GLUL: variants seen among roughly 807,000 people sequenced by gnomAD.
The protein encoded by GLUL is glutamate-ammonia ligase, also known as glutamine synthetase.
A neutral mutation model predicts 36.9 loss-of-function variants in GLUL; 8 were observed. The observed-to-expected ratio is 0.22, with a 90% CI of 0.13 to 0.39. The LOEUF (loss-of-function observed/expected upper bound fraction) is 0.39, where lower values mean the gene tolerates loss of function less well. Ranked by LOEUF, GLUL falls within the 10% of genes least tolerant of loss-of-function variation. The pLI is 1.00. For synonymous variants in GLUL, 182 were observed against 172.8 expected, an observed-to-expected ratio of 1.05 and a Z score of -0.42; for missense variants, 315 against 501.8, an observed-to-expected ratio of 0.63 and a Z score of 3.56.
In GLUL at chr1:182,379,092, T is replaced by C. The variant is rs2101924487; in HGVS notation, c.*5313A>G. On this transcript the variant is annotated 3_prime_UTR_variant, in exon 7 of 7. Coordinates refer to ENST00000331872, the MANE Select transcript of GLUL (RefSeq NM_001033044.4). ...CCACCATGCCCGGCCTGAAGTAGAATTTTTTTAAATGAACGGTCGGAGATC... is the reference window on the plus strand; with the variant it reads ...CCACCATGCCCGGCCTGAAGTAGAACTTTTTTAAATGAACGGTCGGAGATC... Among the ~76,000 whole-genome samples, 1 of 151,628 alleles carries C rather than the reference T, an allele frequency of 6.6e-6. No homozygotes were observed. The highest frequency in any genetic ancestry group is 2.0e-4 in the East Asian group (1 of 5,082).
At chr1:182,391,069 C>G (rs1027876188) in intron 1 of GLUL, 2 of 398,186 alleles carry the variant, frequency 5.0e-6, no homozygotes, top group Non-Finnish European at 8.9e-6. Flanking sequence ...CCGCCCGGAC[C>G]GGCTTCTCCA....
intron 1 of GLUL, chr1:182,391,361 C>T (rs1003210923): frequency 3.8e-5 from 15 of 397,900 alleles, no homozygotes; most frequent in African/African-American, 2.3e-4. Flanking sequence ...AGGGCGCAGG[C>T]CGGCCCAACG....
chr1:182,386,437 T>G, intron 3 of GLUL, 35 bp from the exon 4 acceptor site: 2 of 1,494,970 alleles, frequency 1.3e-6, no homozygotes, highest in Non-Finnish European at 1.9e-6. Flanking sequence ...CCATCAGGGA[T>G]CTAAAGACAT....
intron 6 of GLUL, 183 bp from the exon 7 acceptor site, chr1:182,384,906 T>C: frequency 3.1e-6 from 2 of 635,494 alleles, no homozygotes; most frequent in South Asian, 3.6e-5. Context: ...TACTGTTTGT[T>C]GAAAAGACTA....
At chr1:182,387,079 T>G in intron 3 of GLUL, 52 bp downstream of exon 3, 1 of 1,388,392 alleles carries the variant, frequency 7.2e-7, no homozygotes, top group South Asian at 1.2e-5. Context: ...TCCCTCCCCT[T>G]CACAGCATTC....
intron 1 of GLUL, chr1:182,391,010 G>A (rs954052194): frequency 2.5e-6 from 1 of 396,864 alleles, no homozygotes; most frequent in South Asian, 1.4e-4. Context: ...TGGGGGGTCC[G>A]GGGGAGGGTG....
rs2101925210 is a variant in GLUL at position 182,379,857 on chromosome 1, T to A, written c.*4548A>T. 6.7e-6 allele frequency among the ~76,000 whole-genome samples: 1 copy of A among 150,280 alleles called. No homozygotes were observed. Among genetic ancestry groups the A allele is most frequent in the Admixed American group, 6.7e-5 (1 of 14,998 alleles). The stretch of plus-strand genomic sequence containing the variant: ...AGCCTCAGTTACAACTTTTTTTTTT[T>A]TTTTGAGATGGAGTTTCCCTCTTGT... On this transcript the variant is annotated 3_prime_UTR_variant, in exon 7 of 7. Coordinates refer to ENST00000331872, the MANE Select transcript of GLUL (RefSeq NM_001033044.4).
At chr1:182,385,332 G>C in intron 6 of GLUL, 25 bp downstream of exon 6, 5 of 1,563,636 alleles carry the variant, frequency 3.2e-6, no homozygotes, top group Non-Finnish European at 3.5e-6. Flanking sequence ...GGAGATTAAA[G>C]ATGGCCCCAG....
At chr1:182,387,465 T>G (rs1254594555) in intron 2 of GLUL, among the ~76,000 whole-genome samples, 173 bp from the exon 3 acceptor site, 2 of 152,194 alleles carry the variant, frequency 1.3e-5, no homozygotes, top group African/African-American at 4.8e-5. Flanking sequence ...TACCTGATCT[T>G]ATAGCCCTTC....
At chr1:182,391,197 GTCTCAACC>G (rs1042308747) in intron 1 of GLUL, 1 of 398,426 alleles carries the variant, frequency 2.5e-6, no homozygotes, top group Non-Finnish European at 4.4e-6. Context: ...CAATCGAGGC[GTCTCAACC>G]ATCGCCAGAA....
rs906628465 is a variant in GLUL, at chr1:182,381,510, A to T, written c.*2895T>A. On this transcript the variant is annotated 3_prime_UTR_variant, in exon 7 of 7. Coordinates refer to ENST00000331872, the MANE Select transcript of GLUL (RefSeq NM_001033044.4). Reference sequence around the variant, plus strand: ...TCACATAACCCATTGTCTGCAAATGAACTATAAAAAACACCTTAGAAATAC... The same window carrying T: ...TCACATAACCCATTGTCTGCAAATGTACTATAAAAAACACCTTAGAAATAC... Among the ~76,000 whole-genome samples the T allele has an allele frequency of 1.3e-5, 2 of 152,208 alleles. No homozygotes were observed. Among genetic ancestry groups the T allele is most frequent in the Non-Finnish European group, 2.9e-5 (2 of 68,046 alleles).
At chr1:182,390,380 T>C (rs1448306300) in intron 1 of GLUL, 1 of 397,982 alleles carries the variant, frequency 2.5e-6, no homozygotes, top group African/African-American at 2.1e-5. Context: ...AGTGCCACTC[T>C]ATCAACTGCT....
chr1:182,386,818 C>A, intron 3 of GLUL: 1 of 478,946 alleles, frequency 2.1e-6, no homozygotes, highest in African/African-American at 2.0e-5. Context: ...TTTTGAGAAA[C>A]ATTTGTCCAT....
At position 182,384,054 on chromosome 1, in the gene GLUL, G is replaced by C. The variant is rs890753327; in HGVS notation, c.*351C>G. ...CAGGTCTTCCCCTTTCAGCTACCTG[G>C]AAGAAGAGACCCCCTTCTGCAAACG... is the stretch of plus-strand genomic sequence containing the variant. On this transcript the variant is annotated 3_prime_UTR_variant, in exon 7 of 7. Coordinates refer to ENST00000331872, the MANE Select transcript of GLUL (RefSeq NM_001033044.4). 6.3e-6 allele frequency: 2 copies of C among 318,392 alleles called. No individual in the cohort carries two copies. Among genetic ancestry groups the C allele is most frequent in the African/African-American group, 4.3e-5 (2 of 46,690 alleles). 19.7% of individuals were successfully genotyped at this position (318,392 alleles called of 1,614,324 possible). A position where few individuals can be genotyped will look rare whatever the true frequency, so the allele number is the denominator to read the frequency against.
rs890538500 is a variant in GLUL at position 182,379,433 on chromosome 1, C to T, written c.*4972G>A. ...AGACAAGGTTTCACCATGTTGGCCA[C>T]GCTGGTCTCGAACTCCTGAACTCAG... On this transcript the variant is annotated 3_prime_UTR_variant, in exon 7 of 7. Coordinates refer to ENST00000331872, the MANE Select transcript of GLUL (RefSeq NM_001033044.4). Among the ~76,000 whole-genome samples, 10 of 151,910 alleles carry T rather than the reference C, an allele frequency of 6.6e-5. No homozygotes were observed. The highest frequency in any genetic ancestry group is 1.2e-4 in the Non-Finnish European group (8 of 67,978).
chr1:182,387,339 T>G (rs1307054647), intron 2 of GLUL, 47 bp from the exon 3 acceptor site: 1 of 1,413,838 alleles, frequency 7.1e-7, no homozygotes, highest in Non-Finnish European at 1.0e-6. Context: ...ACAGGAGCTT[T>G]CCAAGCAATG....
intron 6 of GLUL, chr1:182,385,052 T>C: frequency 3.5e-6 from 1 of 288,762 alleles, no homozygotes; most frequent in Non-Finnish European, 6.5e-6. Context: ...ATGTCACAAA[T>C]ATATATATCG....
rs545692019 is a variant in GLUL, at chr1:182,382,100, A to G, written c.*2305T>C. The G allele has an allele frequency of 1.3e-5, 2 of 152,330 alleles. No individual in the cohort carries two copies. The highest frequency in any genetic ancestry group is 2.1e-4 in the South Asian group (1 of 4,828). The allele number at this position is 152,330 out of a possible 1,614,324, so 9.4% of individuals were successfully genotyped here. A position where few individuals can be genotyped will look rare whatever the true frequency, so the allele number is the denominator to read the frequency against. On this transcript the variant is annotated 3_prime_UTR_variant, in exon 7 of 7. Coordinates refer to ENST00000331872, the MANE Select transcript of GLUL (RefSeq NM_001033044.4). ...CAGGCCCCAGCTACCTCGCACTGGTAAGAGTATACTGCCTTTTAAAAACAA... is the reference window on the plus strand; with the variant it reads ...CAGGCCCCAGCTACCTCGCACTGGTGAGAGTATACTGCCTTTTAAAAACAA...
chr1:182,383,495 ACTAATCCAGTGCCCAC>A lies in GLUL; in HGVS notation c.*894_*909del, dbSNP rs1650027015. 6.6e-6 allele frequency: 1 copy of A among 152,174 alleles called. No homozygotes were observed. The highest frequency in any genetic ancestry group is 1.5e-5 in the Non-Finnish European group (1 of 68,034). The allele number at this position is 152,174 out of a possible 1,614,324, so 9.4% of individuals were successfully genotyped here. A position where few individuals can be genotyped will look rare whatever the true frequency, so the allele number is the denominator to read the frequency against. ...ACTGCTAGTAACGTGTTGTCTGTTA[ACTAATCCAGTGCCCAC>A]CTTCTCCAGAGGGTGGGCAGGGCAG... On this transcript the variant is annotated 3_prime_UTR_variant, in exon 7 of 7. Coordinates refer to ENST00000331872, the MANE Select transcript of GLUL (RefSeq NM_001033044.4).
Sources: allele counts gnomAD v4.1 joint callset (sites outside exome capture counted in the v4.1 genomes callset), GRCh38; gene constraint gnomAD v4.1.1; transcripts MANE v1.5; gene names NCBI Gene and HGNC (gene_info 2026-07-23, HGNC 2026-07-21).